PDE1A: variants seen among roughly 807,000 people sequenced by gnomAD.
PDE1A encodes dual specificity calcium/calmodulin-dependent 3',5'-cyclic nucleotide phosphodiesterase 1A.
A neutral mutation model predicts 61.7 loss-of-function variants in PDE1A; 35 were observed. The ratio of observed to expected loss-of-function variants is 0.57; its 90% CI spans 0.43 to 0.75. The LOEUF (loss-of-function observed/expected upper bound fraction) is 0.75. Ranked by LOEUF, PDE1A falls within the 30% of genes least tolerant of loss-of-function variation. The pLI is 0.00. For synonymous variants in PDE1A, 232 were observed against 213.2 expected (o/e 1.09, Z -0.77); for missense variants, 597 against 630.6 (o/e 0.95, Z 0.57).
At chr2:182,633,805 T>A in the PDE1A span, among the ~76,000 whole-genome samples, 3 of 151,996 alleles carry the variant, frequency 2.0e-5, no homozygotes, top group Non-Finnish European at 4.4e-5. Context: ...ATAACCAGGC[T>A]GGATGCAGTG....
chr2:182,281,788 A>G (rs1174065153), intron 1 of PDE1A, among the ~76,000 whole-genome samples: 2 of 151,972 alleles, frequency 1.3e-5, no homozygotes, highest in Non-Finnish European at 2.9e-5. Flanking sequence ...GAGAATATTG[A>G]CTGGAAGGGA....
the PDE1A span, among the ~76,000 whole-genome samples, chr2:182,535,900 T>C: frequency 6.6e-6 from 1 of 152,218 alleles, no homozygotes; most frequent in Admixed American, 6.5e-5. Context: ...ATTGCCACTT[T>C]CATTGAAGAT....
chr2:182,186,998 G>T (rs1685264442), intron 11 of PDE1A, among the ~76,000 whole-genome samples: 1 of 152,148 alleles, frequency 6.6e-6, no homozygotes, highest in Non-Finnish European at 1.5e-5. Flanking sequence ...TTACTAACAA[G>T]AAATCATATC....
the PDE1A span, among the ~76,000 whole-genome samples, chr2:182,656,870 C>A: frequency 6.6e-6 from 1 of 152,164 alleles, no homozygotes; most frequent in Admixed American, 6.5e-5. Flanking sequence ...TAGTCATTTT[C>A]TTCTTTTCTC....
chr2:182,666,101 C>T, the PDE1A span, among the ~76,000 whole-genome samples: 1,887 of 152,228 alleles, frequency 0.012, 23 homozygotes, highest in South Asian at 0.049. Context: ...ATAGCTAATG[C>T]ATGCAAGGCT....
intron 2 of PDE1A, among the ~76,000 whole-genome samples, chr2:182,435,966 T>C (rs1251429019): frequency 6.6e-6 from 1 of 152,092 alleles, no homozygotes; most frequent in East Asian, 1.9e-4. Context: ...CTCTAAGCTT[T>C]GAGAATTAGA....
chr2:182,309,463 A>G (rs1008469458), intron 1 of PDE1A, among the ~76,000 whole-genome samples: 4 of 152,114 alleles, frequency 2.6e-5, no homozygotes, highest in African/African-American at 9.6e-5. Flanking sequence ...ATAAAAATAA[A>G]ATAAAACAAA....
At chr2:182,629,945 T>G in the PDE1A span, among the ~76,000 whole-genome samples, 76,374 of 151,922 alleles carry the variant, frequency 0.5, 20,044 homozygotes, top group Admixed American at 0.63. Flanking sequence ...GTGTGTGAGG[T>G]ATATAAATGT....
the PDE1A span, among the ~76,000 whole-genome samples, chr2:182,554,209 G>C: frequency 6.6e-6 from 1 of 152,154 alleles, no homozygotes; most frequent in Non-Finnish European, 1.5e-5. Context: ...AATTCAAAGA[G>C]ATCATTTGTT....
At chr2:182,214,332 G>C (rs1030369328) in intron 7 of PDE1A, among the ~76,000 whole-genome samples, 1 of 151,640 alleles carries the variant, frequency 6.6e-6, no homozygotes, top group Non-Finnish European at 1.5e-5. Flanking sequence ...AAAGACCATC[G>C]AGACTAGGAA....
chr2:182,356,727 G>A (rs564052173), intron 1 of PDE1A, among the ~76,000 whole-genome samples: 7 of 152,200 alleles, frequency 4.6e-5, no homozygotes, highest in African/African-American at 1.4e-4. Context: ...GAGTGAGACT[G>A]CCTCAAAAAA....
chr2:182,375,663 C>T (rs1001320254), intron 1 of PDE1A, among the ~76,000 whole-genome samples: 4 of 152,206 alleles, frequency 2.6e-5, no homozygotes, highest in Non-Finnish European at 5.9e-5. Flanking sequence ...GCCCTCTTCT[C>T]ATAGCTCCAC....
intron 1 of PDE1A, among the ~76,000 whole-genome samples, chr2:182,323,493 CA>C (rs1383971186): frequency 1.3e-5 from 2 of 152,038 alleles, no homozygotes; most frequent in Admixed American, 6.6e-5. Flanking sequence ...TGGAGACAGA[CA>C]AGAAAAAAAT....
chr2:182,511,257 A>G (rs1049304014), intron 2 of PDE1A, among the ~76,000 whole-genome samples: 1 of 152,014 alleles, frequency 6.6e-6, no homozygotes, highest in Admixed American at 6.6e-5. Flanking sequence ...AGACCATCAA[A>G]AAGACCGGCA....
chr2:182,314,722 T>G (rs781585989), intron 1 of PDE1A, among the ~76,000 whole-genome samples: 1 of 152,138 alleles, frequency 6.6e-6, no homozygotes. Context: ...AAGGAGCATA[T>G]GGAAACTTTT....
downstream of PDE1A, among the ~76,000 whole-genome samples, chr2:182,163,270 C>G (rs1160362607): frequency 1.3e-5 from 2 of 152,178 alleles, no homozygotes; most frequent in African/African-American, 2.4e-5. Context: ...AATGCTTTTT[C>G]TCCATACCTG....
At chr2:182,258,900 G>C (rs900324048) in intron 2 of PDE1A, among the ~76,000 whole-genome samples, 1 of 152,084 alleles carries the variant, frequency 6.6e-6, no homozygotes, top group Non-Finnish European at 1.5e-5. Context: ...TCTGTTTCTT[G>C]TTTGAGCATT....
the PDE1A span, among the ~76,000 whole-genome samples, chr2:182,589,410 C>T: frequency 6.6e-6 from 1 of 151,740 alleles, no homozygotes; most frequent in Non-Finnish European, 1.5e-5. Context: ...GATTCCCTAG[C>T]CCAAAAGATC....
At chr2:182,431,520 GA>G (rs1258692392), upstream of PDE1A, among the ~76,000 whole-genome samples, 1 of 152,014 alleles carries the variant, frequency 6.6e-6, no homozygotes, top group Non-Finnish European at 1.5e-5. Context: ...ACCTCTAGAG[GA>G]AAAACTACTG....
Sources: gnomAD v4.1 joint callset for allele counts (sites outside exome capture counted in the v4.1 genomes callset) on GRCh38, gnomAD v4.1.1 for gene constraint, MANE v1.5 for transcripts, NCBI Gene and HGNC (gene_info 2026-07-23, HGNC 2026-07-21) for gene names.